OGDH: variants seen among roughly 807,000 people sequenced by gnomAD.
The protein encoded by OGDH is 2-oxoglutarate dehydrogenase complex component E1.
A neutral mutation model predicts 116.6 loss-of-function variants in OGDH; 38 were observed. The ratio of observed to expected loss-of-function variants is 0.33; its 90% CI spans 0.25 to 0.43. The LOEUF (loss-of-function observed/expected upper bound fraction) is 0.43, where lower values mean the gene tolerates loss of function less well. OGDH is among the 20% of genes least tolerant of loss of function. The pLI is 1.00. For missense variants in OGDH, 825 were observed against 1,357.2 expected (o/e 0.61, Z 6.16); for synonymous variants, 488 against 533.3 (o/e 0.92, Z 1.17).
intron 10 of OGDH, among the ~76,000 whole-genome samples, chr7:44,687,065 T>G (rs901711861): frequency 6.6e-5 from 10 of 150,592 alleles, no homozygotes; most frequent in South Asian, 2.1e-4. Flanking sequence ...TGGGATATGC[T>G]CATGTTTTTA....
At chr7:44,700,734 C>T (rs1348766171) in intron 19 of OGDH, among the ~76,000 whole-genome samples, 4 of 152,180 alleles carry the variant, frequency 2.6e-5, no homozygotes, top group East Asian at 1.9e-4. Flanking sequence ...GGAAGGAGGC[C>T]GGGCGAGGTG....
At chr7:44,665,918 G>C (rs1485440697) in intron 4 of OGDH, among the ~76,000 whole-genome samples, 7 of 152,182 alleles carry the variant, frequency 4.6e-5, no homozygotes, top group Non-Finnish European at 1.0e-4. Context: ...AGCTCTTCCA[G>C]CATTATTCTT....
At chr7:44,677,718 A>G (rs188251773) in intron 9 of OGDH, among the ~76,000 whole-genome samples, 1 of 151,936 alleles carries the variant, frequency 6.6e-6, no homozygotes, top group East Asian at 1.9e-4. Flanking sequence ...AAAATACAAA[A>G]AAAAAATTAG....
chr7:44,641,970 G>GT (rs1785962835), intron 2 of OGDH, among the ~76,000 whole-genome samples: 1 of 152,210 alleles, frequency 6.6e-6, no homozygotes, highest in Admixed American at 6.5e-5. Context: ...GAGTAAGTCA[G>GT]TTTTTTCCTC....
intron 2 of OGDH, among the ~76,000 whole-genome samples, chr7:44,629,896 A>T (rs1329451649): frequency 6.6e-6 from 1 of 152,024 alleles, no homozygotes; most frequent in African/African-American, 2.4e-5. Context: ...CTGTTTCTTG[A>T]TGGTTTTTTC....
intron 5 of OGDH, among the ~76,000 whole-genome samples, chr7:44,672,351 G>A (rs1347399724): frequency 6.6e-6 from 1 of 152,144 alleles, no homozygotes; most frequent in African/African-American, 2.4e-5. Flanking sequence ...TGGTCTCATT[G>A]TCTGTTGTGA....
At chr7:44,647,064 G>A (rs1786218582) in intron 3 of OGDH, among the ~76,000 whole-genome samples, 1 of 152,202 alleles carries the variant, frequency 6.6e-6, no homozygotes, top group African/African-American at 2.4e-5. Context: ...TGGAACTACA[G>A]GCATGTGCCA....
intron 1 of OGDH, among the ~76,000 whole-genome samples, chr7:44,616,172 C>T (rs1405306032): frequency 6.6e-6 from 1 of 152,072 alleles, no homozygotes; most frequent in Non-Finnish European, 1.5e-5. Flanking sequence ...GCAGGAAACA[C>T]GTTTTATATA....
chr7:44,616,797 GTA>G (rs1233680845), intron 1 of OGDH, among the ~76,000 whole-genome samples: 2 of 90,606 alleles, frequency 2.2e-5, no homozygotes, highest in East Asian at 6.1e-4. Context: ...ATATATATGT[GTA>G]TATATATGCA....
At position 44,696,987 on chromosome 7, in the gene OGDH, C is replaced by T. The variant is rs376675734; in HGVS notation, c.1974C>T (p.Tyr658=). The T allele has an allele frequency of 1.1e-4, 170 of 1,614,102 alleles. No individual in the cohort carries two copies. The highest frequency in any genetic ancestry group is 1.6e-4 in the Middle Eastern group (1 of 6,084). The change falls in exon 15 of 23, where the codon TAC becomes TAT. Residue 658 remains tyrosine, a synonymous_variant. Transcript: ENST00000222673. ...CTGTGGACTGGGCTCTAGCGGAGTA[C>T]ATGGCGTTTGGCTCGCTCCTGAAGG... ...NRTVDWALAE[Y]MAFGSLLKEG...
chr7:44,676,104 G>A lies in OGDH; in HGVS notation c.1161G>A (p.Lys387=). The A allele has an allele frequency of 6.2e-7, 1 of 1,614,054 alleles. No homozygotes were observed. The highest frequency in any genetic ancestry group is 8.5e-7 in the Non-Finnish European group (1 of 1,180,026). Residue 387 remains lysine (K), a synonymous_variant, in exon 9 of 23, where the codon AAG becomes AAA. Coordinates refer to ENST00000222673, the MANE Select transcript of OGDH (RefSeq NM_002541.4). ...LEAADPVVMG[K]TKAEQFYCGD... Reference sequence around the variant, plus strand: ...CCGCTGACCCCGTGGTGATGGGCAAGACCAAAGCCGAACAGTTTTACTGTG... The same window carrying A: ...CCGCTGACCCCGTGGTGATGGGCAAAACCAAAGCCGAACAGTTTTACTGTG...
Position 44,635,791 on chromosome 7 carries a change from G to A in OGDH, c.223-9536G>A, listed in dbSNP as rs190129075. Among the ~76,000 whole-genome samples, 8 of 150,926 alleles carry A rather than the reference G, an allele frequency of 5.3e-5. No individual in the cohort carries two copies. The East Asian group carries it at 1.4e-3, about 26-fold the overall frequency. On this transcript the variant is annotated intron_variant, in intron 2 of 22. Coordinates refer to ENST00000222673, the MANE Select transcript of OGDH (RefSeq NM_002541.4). ...ACGATCTCGGCCCACTGCAACCTCC[G>A]ACTCCCTGATTCAAGCTATTCTCCT...
At chr7:44,654,527 A>G (rs999354372) in intron 4 of OGDH, among the ~76,000 whole-genome samples, 5 of 152,218 alleles carry the variant, frequency 3.3e-5, no homozygotes, top group Non-Finnish European at 7.3e-5. Context: ...TTGTAATTTC[A>G]GAGTGATATA....
chr7:44,675,895 T>C, intron 8 of OGDH, 75 bp from the exon 9 acceptor site: 12 of 1,465,640 alleles, frequency 8.2e-6, no homozygotes, highest in Non-Finnish European at 1.0e-5. Flanking sequence ...AAAAAAAAAT[T>C]CCCGTATAAA....
chr7:44,627,507 C>G (rs1031268477), intron 2 of OGDH, among the ~76,000 whole-genome samples: 1 of 152,164 alleles, frequency 6.6e-6, no homozygotes, highest in African/African-American at 2.4e-5. Context: ...TCATCTATCT[C>G]ATCTTCTGTT....
rs1454448093 is a variant in OGDH, at chr7:44,635,614, G to A, written c.223-9713G>A. On this transcript the variant is annotated intron_variant, in intron 2 of 22. Coordinates refer to ENST00000222673, the MANE Select transcript of OGDH (RefSeq NM_002541.4). ...TGGTCTCATCAGTCCAGAGCCACCC[G>A]TAGTCATAGAGCTTGGGCTAAGTTG... is the stretch of plus-strand genomic sequence containing the variant. Among the ~76,000 whole-genome samples, 6 of 152,108 alleles carry A rather than the reference G, an allele frequency of 3.9e-5. No individual in the cohort carries two copies. In the South Asian group the frequency reaches 6.2e-4, roughly 16 times the overall value.
rs190161337 is a variant in OGDH, at chr7:44,609,973, A to G, written c.-28+3320A>G. Among the ~76,000 whole-genome samples the G allele has an allele frequency of 1.6e-3, 244 of 152,098 alleles. 6 individuals carry two copies. The Middle Eastern group carries it at 0.037, about 23-fold the overall frequency. ...ACATCTTTTCATGTGCTTATTTGCC[A>G]TCTGTCTATTCTCTCTTTTTTTGGA... On this transcript the variant is annotated intron_variant, in intron 1 of 22. Transcript: ENST00000222673.
rs572714457 is a variant in OGDH, at chr7:44,673,295, A to G, written c.634-492A>G. On this transcript the variant is annotated intron_variant, in intron 5 of 22. Transcript: ENST00000222673. ...ATAGCGCTACTGCACTCCCGCCTCGATGACAGAGACCCTGCCTCAAAAAAA... is the reference window on the plus strand; with the variant it reads ...ATAGCGCTACTGCACTCCCGCCTCGGTGACAGAGACCCTGCCTCAAAAAAA... 2.0e-5 allele frequency among the ~76,000 whole-genome samples: 3 copies of G among 152,294 alleles called. No homozygotes were observed. The East Asian group carries it at 5.8e-4, about 29-fold the overall frequency.
intron 1 of OGDH, among the ~76,000 whole-genome samples, chr7:44,617,181 C>G (rs1262506818): frequency 6.6e-6 from 1 of 151,818 alleles, no homozygotes; most frequent in South Asian, 2.1e-4. Flanking sequence ...GATCCACCCA[C>G]CTCGACCTCC....
Sources: gnomAD v4.1 joint callset for allele counts (sites outside exome capture counted in the v4.1 genomes callset) on GRCh38, gnomAD v4.1.1 for gene constraint, MANE v1.5 for transcripts, NCBI Gene and HGNC (gene_info 2026-07-23, HGNC 2026-07-21) for gene names.